Variants in ANKRD28 observed in about 807,000 individuals in gnomAD.
ANKRD28 encodes serine/threonine-protein phosphatase 6 regulatory ankyrin repeat subunit A.
Under a neutral mutation model 126.5 loss-of-function variants are expected in ANKRD28, and 44 were observed. The observed-to-expected ratio is 0.35, with a 90% CI of 0.27 to 0.45. ANKRD28 has a LOEUF of 0.45. ANKRD28 is among the 20% of genes least tolerant of loss of function. The probability of loss-of-function intolerance (pLI) is 1.00; values close to 1 mark genes in which losing one functional copy is unlikely to be tolerated. For missense variants in ANKRD28, 1,110 were observed against 1,316.6 expected (o/e 0.84, Z 2.43); for synonymous variants, 442 against 468.5 (o/e 0.94, Z 0.73).
chr3:15,822,936 G>C (rs1214043994), intron 1 of ANKRD28, among the ~76,000 whole-genome samples: 1 of 152,140 alleles, frequency 6.6e-6, no homozygotes, highest in African/African-American at 2.4e-5. Context: ...CATTACTACT[G>C]ACCTTATGAA....
intron 4 of ANKRD28, among the ~76,000 whole-genome samples, chr3:15,742,295 C>A (rs371364055): frequency 6.6e-6 from 1 of 150,844 alleles, no homozygotes; most frequent in Non-Finnish European, 1.5e-5. Flanking sequence ...AAGTGAGGAG[C>A]GCCTCTTCCC....
intron 16 of ANKRD28, 80 bp from the exon 17 acceptor site, chr3:15,694,893 A>G (rs2069318080): frequency 1.5e-6 from 2 of 1,317,140 alleles, no homozygotes; most frequent in Non-Finnish European, 2.2e-6. Flanking sequence ...GTTCAAATCC[A>G]CCTTAGAGTA....
chr3:15,722,254 G>T (rs951328920), intron 7 of ANKRD28, among the ~76,000 whole-genome samples: 1 of 152,136 alleles, frequency 6.6e-6, no homozygotes, highest in Non-Finnish European at 1.5e-5. Context: ...TCAACCACAT[G>T]GACAACCAAT....
chr3:15,692,070 G>A (rs2068873691), intron 17 of ANKRD28, among the ~76,000 whole-genome samples: 1 of 150,878 alleles, frequency 6.6e-6, no homozygotes, highest in Non-Finnish European at 1.5e-5. Flanking sequence ...AGTCTAGGAG[G>A]TACAGGCTGC....
intron 12 of ANKRD28, among the ~76,000 whole-genome samples, chr3:15,710,285 T>G (rs553449391): frequency 1.3e-5 from 2 of 152,334 alleles, no homozygotes; most frequent in East Asian, 3.9e-4. Flanking sequence ...GGATATAACT[T>G]AAGTATTTCT....
rs2066040241 is a variant in ANKRD28, at chr3:15,667,464, T to TTA, written c.*2805_*2806insTA. 6.6e-6 allele frequency: 1 copy of TTA among 152,238 alleles called. No individual in the cohort carries two copies. The highest frequency in any genetic ancestry group is 2.1e-4 in the South Asian group (1 of 4,836). The allele number at this position is 152,238 out of a possible 1,614,324, so 9.4% of individuals were successfully genotyped here. ...GATATTTCAGATGTCATCTTTTATG[T>TTA]ATAAGTTAAATAAAGCAAACAGGCT... On this transcript the variant is annotated 3_prime_UTR_variant, in exon 28 of 28. Coordinates refer to ENST00000683139, the MANE Select transcript of ANKRD28 (RefSeq NM_001349278.2).
chr3:15,751,633 T>C, intron 4 of ANKRD28, 117 bp downstream of exon 4: 1 of 707,086 alleles, frequency 1.4e-6, no homozygotes, highest in Non-Finnish European at 2.4e-6. Flanking sequence ...AAATGACCAG[T>C]CAAGGTATCT....
intron 24 of ANKRD28, among the ~76,000 whole-genome samples, chr3:15,677,871 C>A (rs2067111874): frequency 6.6e-6 from 1 of 152,086 alleles, no homozygotes; most frequent in African/African-American, 2.4e-5. Context: ...CAACAACACA[C>A]CAAGTAGATA....
chr3:15,859,683 C>T lies in ANKRD28; in HGVS notation c.-280G>A, dbSNP rs536898748. 4.7e-3 allele frequency: 728 copies of T among 156,224 alleles called. 3 individuals carry two copies. Among genetic ancestry groups the T allele is most frequent in the Non-Finnish European group, 6.7e-3 (480 of 71,818 alleles). The allele number at this position is 156,224 out of a possible 1,614,324, so 9.7% of individuals were successfully genotyped here. On this transcript the variant is annotated 5_prime_UTR_variant, in exon 1 of 28. Coordinates refer to the ANKRD28 transcript ENST00000399451. The stretch of plus-strand genomic sequence containing the variant: ...CGCCCTCTTCCTTCCTTTCTTTCTC[C>T]TTCCCTCTGCTGCCTGCCCTACCCG...
intron 1 of ANKRD28, among the ~76,000 whole-genome samples, chr3:15,813,692 G>T (rs1028290016): frequency 6.6e-6 from 1 of 152,260 alleles, no homozygotes; most frequent in South Asian, 2.1e-4. Context: ...CTTCACTAGT[G>T]CCTGCAGTCC....
intron 2 of ANKRD28, among the ~76,000 whole-genome samples, chr3:15,771,536 AGAAG>A (rs2059008251): frequency 1.3e-5 from 2 of 152,154 alleles, no homozygotes; most frequent in African/African-American, 2.4e-5. Context: ...ATCAAGAGAG[AGAAG>A]AGGGGGTGCC....
At chr3:15,842,430 G>A (rs908754153) in intron 1 of ANKRD28, among the ~76,000 whole-genome samples, 1 of 151,874 alleles carries the variant, frequency 6.6e-6, no homozygotes. Context: ...TTTCTCAGAG[G>A]CTGGGAAGGG....
At chr3:15,803,919 A>T (rs775126208) in intron 1 of ANKRD28, among the ~76,000 whole-genome samples, 2 of 145,104 alleles carry the variant, frequency 1.4e-5, no homozygotes, top group Non-Finnish European at 3.0e-5. Flanking sequence ...TGAAATGTTA[A>T]ATCCCAAAGT....
At chr3:15,679,995 GCAAA>G (rs2067368764) in intron 21 of ANKRD28, among the ~76,000 whole-genome samples, 1 of 152,076 alleles carries the variant, frequency 6.6e-6, no homozygotes. Context: ...TAGGTTATAT[GCAAA>G]TACTATCCCA....
At chr3:15,725,925 T>C (rs974089672) in intron 6 of ANKRD28, among the ~76,000 whole-genome samples, 10 of 152,052 alleles carry the variant, frequency 6.6e-5, no homozygotes, top group African/African-American at 2.4e-4. Context: ...CACCTGTAGT[T>C]CCAGCTACTC....
chr3:15,701,979 T>C (rs2070698891), intron 14 of ANKRD28, among the ~76,000 whole-genome samples: 1 of 152,134 alleles, frequency 6.6e-6, no homozygotes. Context: ...ATGTTAGTGA[T>C]AAAACAGAAA....
intron 3 of ANKRD28, among the ~76,000 whole-genome samples, chr3:15,752,845 AG>A (rs1402514578): frequency 6.6e-6 from 1 of 152,206 alleles, no homozygotes; most frequent in Non-Finnish European, 1.5e-5. Context: ...AGTGACTTCA[AG>A]TAATGCCTTC....
intron 1 of ANKRD28, among the ~76,000 whole-genome samples, chr3:15,847,331 T>C (rs1283618500): frequency 6.6e-6 from 1 of 152,206 alleles, no homozygotes; most frequent in African/African-American, 2.4e-5. Flanking sequence ...AGCAATCTCT[T>C]ATGGCTTTCT....
chr3:15,793,969 T>C (rs554424182), intron 2 of ANKRD28, among the ~76,000 whole-genome samples: 23 of 151,908 alleles, frequency 1.5e-4, no homozygotes, highest in African/African-American at 5.1e-4. Flanking sequence ...ACTTGGGAGG[T>C]TGAGGCAGGA....
Sources: gnomAD v4.1 joint callset for allele counts (sites outside exome capture counted in the v4.1 genomes callset) on GRCh38, gnomAD v4.1.1 for gene constraint, MANE v1.5 for transcripts, NCBI Gene and HGNC (gene_info 2026-07-23, HGNC 2026-07-21) for gene names.